The following ZFHX3 variants were observed in gnomAD, a reference collection of about 807,000 sequenced individuals.
ZFHX3 encodes the protein zinc finger homeobox protein 3.
A neutral mutation model predicts 279.1 loss-of-function variants in ZFHX3; 42 were observed. The ratio of observed to expected loss-of-function variants is 0.15; its 90% confidence interval spans 0.12 to 0.19. The LOEUF (loss-of-function observed/expected upper bound fraction) is 0.19, where lower values mean the gene tolerates loss of function less well. Among genes scored for constraint, ZFHX3 ranks in the 10% least tolerant of loss-of-function variants. ZFHX3 has a pLI of 1.00. For missense variants in ZFHX3, 4,981 were observed against 4,754.0 expected (o/e 1.05, Z -1.40); for synonymous variants, 2,293 against 1,957.8 (o/e 1.17, Z -4.52).
intron 5 of ZFHX3, among the ~76,000 whole-genome samples, chr16:73,251,875 GCA>G (rs1401830552): frequency 2.0e-5 from 2 of 102,462 alleles, no homozygotes; most frequent in East Asian, 5.7e-4. Context: ...CACACACCAT[GCA>G]CACACACCAC....
chr16:73,070,637 A>G (rs1270925885), intron 8 of ZFHX3, among the ~76,000 whole-genome samples: 1 of 151,980 alleles, frequency 6.6e-6, no homozygotes, highest in Non-Finnish European at 1.5e-5. Context: ...CACTGCCTTT[A>G]TGGAGTCTAT....
chr16:73,743,269 C>T (rs1476282860), intron 1 of ZFHX3, among the ~76,000 whole-genome samples: 1 of 152,222 alleles, frequency 6.6e-6, no homozygotes, highest in African/African-American at 2.4e-5. Context: ...ACTCTTTGAT[C>T]ATTTCACAGC....
intron 7 of ZFHX3, among the ~76,000 whole-genome samples, chr16:73,097,626 C>T (rs1170739824): frequency 6.6e-6 from 1 of 152,180 alleles, no homozygotes; most frequent in Admixed American, 6.5e-5. Flanking sequence ...GTTCATCACA[C>T]TGGCAGTGTT....
upstream of ZFHX3, among the ~76,000 whole-genome samples, chr16:73,050,739 G>A (rs758651079): frequency 1.3e-5 from 2 of 152,128 alleles, no homozygotes; most frequent in African/African-American, 4.8e-5. Context: ...CATTCTCATC[G>A]CTCCATCCTG....
At chr16:73,761,086 C>T (rs1439431255) in intron 1 of ZFHX3, among the ~76,000 whole-genome samples, 2 of 151,886 alleles carry the variant, frequency 1.3e-5, no homozygotes, top group Non-Finnish European at 2.9e-5. Flanking sequence ...TAGAAAACCT[C>T]ATCATCTCAG....
chr16:73,301,639 C>T (rs904259857), intron 4 of ZFHX3, among the ~76,000 whole-genome samples: 1 of 152,154 alleles, frequency 6.6e-6, no homozygotes, highest in South Asian at 2.1e-4. Flanking sequence ...ATGTGGGCAC[C>T]TCAACAAGGT....
intron 1 of ZFHX3, among the ~76,000 whole-genome samples, chr16:73,717,151 T>G (rs2053424076): frequency 6.6e-6 from 1 of 152,214 alleles, no homozygotes; most frequent in African/African-American, 2.4e-5. Flanking sequence ...CAGTTATACC[T>G]GGGCTCTAGC....
At chr16:73,636,090 C>T (rs1457058590) in intron 2 of ZFHX3, among the ~76,000 whole-genome samples, 1 of 152,176 alleles carries the variant, frequency 6.6e-6, no homozygotes, top group Non-Finnish European at 1.5e-5. Context: ...CATGAGTGAA[C>T]TTATCCATTC....
At chr16:73,126,340 G>A (rs757014263) in intron 7 of ZFHX3, among the ~76,000 whole-genome samples, 1 of 152,156 alleles carries the variant, frequency 6.6e-6, no homozygotes, top group Non-Finnish European at 1.5e-5. Flanking sequence ...TAGGTGATGA[G>A]GGCTTGAATG....
At chr16:72,831,278 T>C (rs1378489192) in intron 4 of ZFHX3, among the ~76,000 whole-genome samples, 1 of 152,158 alleles carries the variant, frequency 6.6e-6, no homozygotes, top group Non-Finnish European at 1.5e-5. Flanking sequence ...AGGTCCAAGG[T>C]CTGGAAAACT....
intron 7 of ZFHX3, among the ~76,000 whole-genome samples, chr16:73,105,179 G>C (rs570725977): frequency 2.0e-5 from 3 of 151,478 alleles, no homozygotes; most frequent in African/African-American, 4.8e-5. Flanking sequence ...GCCAAAGTGG[G>C]AGGACGGCTT....
intron 7 of ZFHX3, among the ~76,000 whole-genome samples, chr16:72,802,175 C>G (rs2036122832): frequency 6.6e-6 from 1 of 151,932 alleles, no homozygotes; most frequent in African/African-American, 2.4e-5. Flanking sequence ...TGTTTTCATA[C>G]ACTTTAATTA....
chr16:73,505,019 AG>A (rs1464954483), intron 2 of ZFHX3: 2 of 152,192 alleles, frequency 1.3e-5, no homozygotes, highest in Admixed American at 6.5e-5. Flanking sequence ...GCAATGAGAA[AG>A]GAAGAGAGAA....
chr16:73,317,978 C>A (rs1218678603), intron 4 of ZFHX3, among the ~76,000 whole-genome samples: 1 of 152,090 alleles, frequency 6.6e-6, no homozygotes, highest in Admixed American at 6.5e-5. Context: ...TACAATGAAG[C>A]AAAAGCATCC....
chr16:73,598,478 C>A (rs1253799826), intron 2 of ZFHX3, among the ~76,000 whole-genome samples: 1 of 142,860 alleles, frequency 7.0e-6, no homozygotes, highest in Non-Finnish European at 1.5e-5. Flanking sequence ...AGCGTAGTGG[C>A]GTGATCTTGA....
intron 1 of ZFHX3, among the ~76,000 whole-genome samples, chr16:72,977,161 G>GT (rs1962386258): frequency 6.6e-6 from 1 of 152,160 alleles, no homozygotes; most frequent in Non-Finnish European, 1.5e-5. Flanking sequence ...AACCCAACTG[G>GT]TTTCCCACTT....
chr16:73,024,277 G>A (rs1964415884), intron 1 of ZFHX3, among the ~76,000 whole-genome samples: 1 of 152,190 alleles, frequency 6.6e-6, no homozygotes. Flanking sequence ...GAAGAGAAGA[G>A]GCAGCCCCAT....
intron 4 of ZFHX3, among the ~76,000 whole-genome samples, chr16:73,310,543 T>C (rs2015300870): frequency 6.6e-6 from 1 of 152,232 alleles, no homozygotes; most frequent in Admixed American, 6.5e-5. Context: ...AGACATTTTT[T>C]TGTTGTCACA....
intron 2 of ZFHX3, among the ~76,000 whole-genome samples, chr16:73,646,790 A>G (rs867168097): frequency 6.6e-6 from 1 of 152,190 alleles, no homozygotes; most frequent in Non-Finnish European, 1.5e-5. Context: ...TTCAATAGAC[A>G]ATAATCATAT....
Sources: gnomAD v4.1 joint callset for allele counts (sites outside exome capture counted in the v4.1 genomes callset) on GRCh38, gnomAD v4.1.1 for gene constraint, MANE v1.5 for transcripts, NCBI Gene and HGNC (gene_info 2026-07-23, HGNC 2026-07-21) for gene names.